Variants in FRAS1 observed in about 807,000 individuals in gnomAD.
The protein encoded by FRAS1 is extracellular matrix organizing protein FRAS1.
Under a neutral mutation model 435.2 loss-of-function variants are expected in FRAS1, and 290 were observed. The ratio of observed to expected loss-of-function variants is 0.67; its 90% CI spans 0.61 to 0.73. The LOEUF (loss-of-function observed/expected upper bound fraction) is 0.73, where lower values mean the gene tolerates loss of function less well. Ranked by LOEUF, FRAS1 falls within the 30% of genes least tolerant of loss-of-function variation. The pLI, the probability that FRAS1 is intolerant of heterozygous loss-of-function variation, is 0.00. For missense variants in FRAS1, 4,860 were observed against 5,001.5 expected, an observed-to-expected ratio of 0.97 and a Z score of 0.85; for synonymous variants, 1,800 against 1,851.0, an observed-to-expected ratio of 0.97 and a Z score of 0.71.
intron 59 of FRAS1, 90 bp downstream of exon 59, chr4:78,489,170 C>A (rs2109865294): frequency 1.5e-6 from 2 of 1,306,714 alleles, no homozygotes; most frequent in African/African-American, 1.5e-5. Context: ...TCCAAAAATT[C>A]TCAGAATTTT....
chr4:78,083,797 A>C (rs577938623), intron 2 of FRAS1, among the ~76,000 whole-genome samples: 1 of 152,130 alleles, frequency 6.6e-6, no homozygotes, highest in African/African-American at 2.4e-5. Flanking sequence ...TATTGTTAGC[A>C]CCATCAATGA....
intron 2 of FRAS1, among the ~76,000 whole-genome samples, chr4:78,100,346 T>A (rs998606226): frequency 6.6e-6 from 1 of 152,214 alleles, no homozygotes; most frequent in Non-Finnish European, 1.5e-5. Context: ...TCAACTTCTG[T>A]TGTGAATATG....
chr4:78,098,975 T>C (rs72860615), intron 2 of FRAS1, among the ~76,000 whole-genome samples: 9,404 of 152,196 alleles, frequency 0.062, 792 homozygotes, highest in African/African-American at 0.19. Context: ...GCAGGGGAGA[T>C]GTAACAGCAG....
At chr4:78,450,979 G>T (rs976359252) in intron 45 of FRAS1, among the ~76,000 whole-genome samples, 3 of 145,568 alleles carry the variant, frequency 2.1e-5, no homozygotes, top group African/African-American at 5.7e-5. Context: ...ATACCCCTGC[G>T]GATAAAAAAC....
chr4:78,278,829 T>G, intron 10 of FRAS1, 85 bp downstream of exon 10: 1 of 824,600 alleles, frequency 1.2e-6, no homozygotes, highest in South Asian at 1.5e-5. Flanking sequence ...TTGTTTCTTT[T>G]GCCCATTCAT....
chr4:78,407,069 T>C (rs1193378966), intron 30 of FRAS1, among the ~76,000 whole-genome samples: 1 of 152,252 alleles, frequency 6.6e-6, no homozygotes, highest in East Asian at 1.9e-4. Flanking sequence ...ATGAGTTTCA[T>C]GTTTAGACTT....
intron 2 of FRAS1, among the ~76,000 whole-genome samples, chr4:78,182,665 G>T (rs1722069516): frequency 6.6e-6 from 1 of 152,012 alleles, no homozygotes. Flanking sequence ...ATCATTTGAG[G>T]TTAGGAGTCC....
chr4:78,170,581 A>G (rs1721510272), intron 2 of FRAS1, among the ~76,000 whole-genome samples: 1 of 152,100 alleles, frequency 6.6e-6, no homozygotes, highest in Non-Finnish European at 1.5e-5. Flanking sequence ...CATAGTAATT[A>G]TTTGTTGAAT....
At chr4:78,168,112 TG>T (rs1721408908) in intron 2 of FRAS1, among the ~76,000 whole-genome samples, 1 of 152,122 alleles carries the variant, frequency 6.6e-6, no homozygotes, top group African/African-American at 2.4e-5. Context: ...GCTGGCTTTT[TG>T]TGGGTCTTCA....
intron 2 of FRAS1, among the ~76,000 whole-genome samples, chr4:78,173,149 T>C (rs1382857392): frequency 6.6e-6 from 1 of 152,204 alleles, no homozygotes; most frequent in Non-Finnish European, 1.5e-5. Context: ...ATACCCTCAG[T>C]CTTTCTGATG....
chr4:78,387,309 T>G, intron 28 of FRAS1, 66 bp from the exon 29 acceptor site: 1 of 1,140,908 alleles, frequency 8.8e-7, no homozygotes. Flanking sequence ...AACAATCAGG[T>G]ATCTAGTCCA....
chr4:78,356,156 T>C (rs957830958), intron 20 of FRAS1, among the ~76,000 whole-genome samples: 1 of 152,180 alleles, frequency 6.6e-6, no homozygotes, highest in African/African-American at 2.4e-5. Flanking sequence ...ACGGGGGTAG[T>C]TCTGTCTCTT....
At chr4:78,503,109 C>T (rs11098204) in intron 61 of FRAS1, among the ~76,000 whole-genome samples, 27,544 of 152,142 alleles carry the variant, frequency 0.18, 2,570 homozygotes, top group Middle Eastern at 0.23. Flanking sequence ...CTGCTGGATT[C>T]GATTCACCAG....
intron 35 of FRAS1, among the ~76,000 whole-genome samples, chr4:78,424,814 A>G (rs1243697936): frequency 1.3e-5 from 2 of 152,008 alleles, no homozygotes; most frequent in Admixed American, 1.3e-4. Context: ...ATGGTGGCAC[A>G]TGCCTGGAGT....
Position 78,448,275 on chromosome 4 carries a change from C to G in FRAS1, c.6233C>G (p.Thr2078Arg). Reference sequence around the variant, plus strand: ...TACACAGAACTGCCTGCAAGTGACACACCTCACTTGGCTATAAACCAAGGC... The same window carrying G: ...TACACAGAACTGCCTGCAAGTGACAGACCTCACTTGGCTATAAACCAAGGC... ...KIYTELPASD[T>R]PHLAINQGLQ... The change falls in exon 44 of 74, where the codon ACA becomes AGA. Residue 2078 changes from threonine (T) to arginine (R), a missense_variant. Physicochemically the swap from Thr to Arg is moderately conservative, Grantham distance 71. Transcript: ENST00000512123. 6.2e-7 allele frequency: 1 copy of G among 1,612,088 alleles called. No individual in the cohort carries two copies. Among genetic ancestry groups the G allele is most frequent in the East Asian group, 2.2e-5 (1 of 44,868 alleles).
chr4:78,435,001 C>T (rs1017196422), intron 38 of FRAS1, among the ~76,000 whole-genome samples: 12 of 152,000 alleles, frequency 7.9e-5, no homozygotes, highest in African/African-American at 2.7e-4. Context: ...CAATCAAAAG[C>T]CTAATGGACT....
At chr4:78,396,680 T>C (rs893317561) in intron 29 of FRAS1, among the ~76,000 whole-genome samples, 4 of 152,244 alleles carry the variant, frequency 2.6e-5, no homozygotes, top group African/African-American at 9.6e-5. Context: ...TGGTGTCCCA[T>C]AAGTTCGGTA....
At chr4:78,213,834 T>G (rs368587846) in intron 2 of FRAS1, among the ~76,000 whole-genome samples, 1 of 152,358 alleles carries the variant, frequency 6.6e-6, no homozygotes, top group South Asian at 2.1e-4. Flanking sequence ...TCAGTTTTCA[T>G]TGGTCATCAC....
intron 28 of FRAS1, among the ~76,000 whole-genome samples, chr4:78,385,849 C>T (rs576671867): frequency 3.3e-5 from 5 of 150,454 alleles, no homozygotes; most frequent in East Asian, 3.9e-4. Context: ...CGTGCCACTG[C>T]ACTCCAGCCT....
Sources: gnomAD v4.1 joint callset for allele counts (sites outside exome capture counted in the v4.1 genomes callset) on GRCh38, gnomAD v4.1.1 for gene constraint, MANE v1.5 for transcripts, NCBI Gene and HGNC (gene_info 2026-07-23, HGNC 2026-07-21) for gene names.